E2F3: variants seen among roughly 807,000 people sequenced by gnomAD.
The protein encoded by E2F3 is transcription factor E2F3.
Under a neutral mutation model 44.4 loss-of-function variants are expected in E2F3, and 11 were observed. That is an observed-to-expected ratio of 0.25 (90% CI 0.16 to 0.41). E2F3 has a LOEUF of 0.41. Among genes scored for constraint, E2F3 ranks in the 10% least tolerant of loss-of-function variants. The pLI, the probability that E2F3 is intolerant of heterozygous loss-of-function variation, is 1.00. For synonymous variants in E2F3, 249 were observed against 253.0 expected, an observed-to-expected ratio of 0.98 and a Z score of 0.15; for missense variants, 487 against 583.6, an observed-to-expected ratio of 0.83 and a Z score of 1.70.
chr6:20,427,796 A>G (rs1427460892), intron 1 of E2F3, among the ~76,000 whole-genome samples: 3 of 152,088 alleles, frequency 2.0e-5, no homozygotes, highest in Non-Finnish European at 2.9e-5. Context: ...GAGCTCCTTG[A>G]TGATATTTAC....
At chr6:20,448,931 T>TA (rs1431663275) in intron 1 of E2F3, among the ~76,000 whole-genome samples, 1 of 152,182 alleles carries the variant, frequency 6.6e-6, no homozygotes, top group Admixed American at 6.5e-5. Context: ...CCAGTAAAAC[T>TA]AAAAGCCTGG....
rs527788901 is a variant in E2F3 at position 20,469,419 on chromosome 6, A to G, written c.394-10427A>G. On this transcript the variant is annotated intron_variant, in intron 1 of 6. Coordinates refer to ENST00000346618, the MANE Select transcript of E2F3 (RefSeq NM_001949.5). ...AAATAGTAAAGGTGGTTCCCCCAGCAAGGTAGCCATTATAGGCTCTCTGAG... is the reference window on the plus strand; with the variant it reads ...AAATAGTAAAGGTGGTTCCCCCAGCGAGGTAGCCATTATAGGCTCTCTGAG... 1.2e-4 allele frequency among the ~76,000 whole-genome samples: 19 copies of G among 152,348 alleles called. No individual in the cohort carries two copies. In the South Asian group the frequency reaches 3.7e-3, roughly 30 times the overall value.
intron 1 of E2F3, among the ~76,000 whole-genome samples, chr6:20,468,312 G>T (rs773495387): frequency 8.4e-4 from 128 of 152,232 alleles, no homozygotes; most frequent in Non-Finnish European, 1.6e-3. Flanking sequence ...GTAAATCGGG[G>T]TTCCCGCGGC....
At chr6:20,472,032 A>G (rs1202692906) in intron 1 of E2F3, among the ~76,000 whole-genome samples, 1 of 136,798 alleles carries the variant, frequency 7.3e-6, no homozygotes, top group Non-Finnish European at 1.6e-5. Context: ...TCCAACACAC[A>G]CACACACACA....
At chr6:20,435,714 G>A (rs1268718786) in intron 1 of E2F3, among the ~76,000 whole-genome samples, 1 of 152,146 alleles carries the variant, frequency 6.6e-6, no homozygotes, top group African/African-American at 2.4e-5. Context: ...TTGTGCCACT[G>A]CACTCCAGCC....
At chr6:20,453,521 T>C (rs1177426739) in intron 1 of E2F3, among the ~76,000 whole-genome samples, 1 of 152,072 alleles carries the variant, frequency 6.6e-6, no homozygotes, top group Non-Finnish European at 1.5e-5. Context: ...CTCAGGTGAT[T>C]CTCTTGCCTC....
chr6:20,470,674 A>G (rs927861655), intron 1 of E2F3, among the ~76,000 whole-genome samples: 5 of 152,152 alleles, frequency 3.3e-5, no homozygotes, highest in Non-Finnish European at 5.9e-5. Context: ...GGTATCATCT[A>G]TCAAGTTCTA....
intron 1 of E2F3, among the ~76,000 whole-genome samples, chr6:20,451,369 T>G (rs1052514096): frequency 6.6e-6 from 1 of 152,188 alleles, no homozygotes; most frequent in Non-Finnish European, 1.5e-5. Context: ...GCTTAACTGT[T>G]GGTATATGGG....
intron 1 of E2F3, chr6:20,403,772 A>G (rs1404980955): frequency 6.7e-7 from 1 of 1,485,196 alleles, no homozygotes. Context: ...CCCCCTCTCC[A>G]GCCGGCCCCC....
At chr6:20,451,658 C>G (rs1476290432) in intron 1 of E2F3, among the ~76,000 whole-genome samples, 1 of 152,124 alleles carries the variant, frequency 6.6e-6, no homozygotes, top group East Asian at 1.9e-4. Flanking sequence ...GGGAATGCTT[C>G]CAGCTTTTGC....
intron 1 of E2F3, among the ~76,000 whole-genome samples, chr6:20,410,811 G>A (rs549587320): frequency 4.6e-5 from 7 of 152,258 alleles, no homozygotes; most frequent in South Asian, 4.2e-4. Context: ...TAGTAGGGAC[G>A]GGGTTTCACC....
rs1283271969 is a variant in E2F3, at chr6:20,491,208, C to T, written c.*778C>T. ...TTTCCAGTTGATTTGTAGCAAATGC[C>T]TACTTAGTTCTTTGTGGATTGTTCT... On this transcript the variant is annotated 3_prime_UTR_variant, in exon 7 of 7. Coordinates refer to ENST00000346618, the MANE Select transcript of E2F3 (RefSeq NM_001949.5). 1 of 232,598 alleles carries T rather than the reference C, an allele frequency of 4.3e-6. No homozygotes were observed. Among genetic ancestry groups the T allele is most frequent in the African/African-American group, 2.2e-5 (1 of 45,268 alleles). The allele number at this position is 232,598 out of a possible 1,614,324, so 14.4% of individuals were successfully genotyped here.
chr6:20,464,585 G>A (rs543014645), intron 1 of E2F3, among the ~76,000 whole-genome samples: 1 of 152,318 alleles, frequency 6.6e-6, no homozygotes, highest in East Asian at 1.9e-4. Flanking sequence ...TCCACCAGCA[G>A]TCAGCTTCTG....
At chr6:20,413,053 T>G (rs972571992) in intron 1 of E2F3, among the ~76,000 whole-genome samples, 5 of 152,364 alleles carry the variant, frequency 3.3e-5, no homozygotes, top group Admixed American at 2.0e-4. Flanking sequence ...GTTAATGGCC[T>G]GGCTCTGGGC....
At chr6:20,447,039 A>G (rs1348412215) in intron 1 of E2F3, among the ~76,000 whole-genome samples, 1 of 152,186 alleles carries the variant, frequency 6.6e-6, no homozygotes, top group African/African-American at 2.4e-5. Flanking sequence ...TCAATTTTTA[A>G]TTGTCTTTCT....
At chr6:20,405,780 G>A (rs1759474883) in intron 1 of E2F3, among the ~76,000 whole-genome samples, 1 of 151,938 alleles carries the variant, frequency 6.6e-6, no homozygotes. Flanking sequence ...CTGAGATCCC[G>A]CCACTGCACT....
At chr6:20,437,601 G>A (rs974650277) in intron 1 of E2F3, among the ~76,000 whole-genome samples, 1 of 152,052 alleles carries the variant, frequency 6.6e-6, no homozygotes, top group Admixed American at 6.5e-5. Context: ...TTAGGCCAAA[G>A]TTGGTAAAAT....
intron 1 of E2F3, among the ~76,000 whole-genome samples, chr6:20,452,040 C>T (rs137955184): frequency 6.4e-4 from 98 of 152,188 alleles, no homozygotes; most frequent in African/African-American, 2.1e-3. Flanking sequence ...TGCCAGGTTT[C>T]GGTATAAGGA....
At chr6:20,420,438 GGT>G (rs35566563) in intron 1 of E2F3, among the ~76,000 whole-genome samples, 35,297 of 148,354 alleles carry the variant, frequency 0.24, 5,134 homozygotes, top group East Asian at 0.47. Flanking sequence ...GGCTTTCTCT[GGT>G]GTGTGTGTGT....
Sources: allele counts gnomAD v4.1 joint callset (sites outside exome capture counted in the v4.1 genomes callset), GRCh38; gene constraint gnomAD v4.1.1; transcripts MANE v1.5; gene names NCBI Gene and HGNC (gene_info 2026-07-23, HGNC 2026-07-21).